Variants in WWOX observed in about 807,000 individuals in gnomAD.
WWOX encodes the protein WW domain-containing oxidoreductase.
Under a neutral mutation model 46.2 loss-of-function variants are expected in WWOX, and 69 were observed. That is an observed-to-expected ratio of 1.49 (90% CI 1.23 to 1.82). WWOX has a LOEUF of 1.82. Ranked by LOEUF, WWOX falls within the 40% of genes most tolerant of loss-of-function variation. The pLI is 0.00. For synonymous variants in WWOX, 359 were observed against 202.6 expected (o/e 1.77, Z -6.56); for missense variants, 919 against 542.6 (o/e 1.69, Z -6.89).
intron 8 of WWOX, among the ~76,000 whole-genome samples, chr16:78,691,725 TAAAGCAC>T (rs1338271118): frequency 6.6e-6 from 1 of 151,850 alleles, no homozygotes; most frequent in East Asian, 1.9e-4. Context: ...AAAAAAATAA[TAAAGCAC>T]TGTCTCTCTC....
chr16:78,806,431 G>C (rs1554977), intron 8 of WWOX, among the ~76,000 whole-genome samples: 119,979 of 152,140 alleles, frequency 0.79, 47,642 homozygotes, highest in Middle Eastern at 0.87. Context: ...GCAGGGCTCT[G>C]AGGAACAGCT....
chr16:78,658,046 T>G (rs1286830837), intron 8 of WWOX, among the ~76,000 whole-genome samples: 1 of 152,112 alleles, frequency 6.6e-6, no homozygotes, highest in Non-Finnish European at 1.5e-5. Flanking sequence ...AGGAGATTCT[T>G]TGTTGGGGGG....
Position 78,432,889 on chromosome 16 carries a change from C to G in WWOX, c.1056+137C>G, listed in dbSNP as rs376936542. The G allele has an allele frequency of 5.2e-6, 7 of 1,339,570 alleles. No individual in the cohort carries two copies. The African/African-American group carries it at 5.8e-5, about 11-fold the overall frequency. The allele number at this position is 1,339,570 out of a possible 1,614,324, so 83.0% of individuals were successfully genotyped here. A position where few individuals can be genotyped will look rare whatever the true frequency, so the allele number is the denominator to read the frequency against. On this transcript the variant is annotated intron_variant, in intron 8 of 8. Transcript: ENST00000566780. ...ATTGTCCAGCCCATCATAAAGGGCT[C>G]TTGAACACATTTTCATCAACTTTAG...
intron 8 of WWOX, among the ~76,000 whole-genome samples, chr16:78,495,090 C>T (rs1384654638): frequency 6.6e-6 from 1 of 150,508 alleles, no homozygotes; most frequent in Non-Finnish European, 1.5e-5. Flanking sequence ...ATTTAAGCTG[C>T]ATCTGTGTGC....
intron 8 of WWOX, among the ~76,000 whole-genome samples, chr16:78,916,356 C>G (rs751466402): frequency 6.6e-6 from 1 of 152,096 alleles, no homozygotes; most frequent in Non-Finnish European, 1.5e-5. Context: ...GAAGCTCGTT[C>G]GACAGCTGTA....
Position 78,775,700 on chromosome 16 carries a change from G to C in WWOX, c.1056+342948G>C, listed in dbSNP as rs1225099327. On this transcript the variant is annotated intron_variant, in intron 8 of 8. Transcript: ENST00000566780. The stretch of plus-strand genomic sequence containing the variant: ...ATGGTGCGAGCAATGGTTCACATAG[G>C]GGACAGGTGTTCATTCAATGGTGGG... 2.0e-5 allele frequency among the ~76,000 whole-genome samples: 3 copies of C among 152,274 alleles called. No individual in the cohort carries two copies. The East Asian group carries it at 5.8e-4, about 29-fold the overall frequency.
intron 5 of WWOX, among the ~76,000 whole-genome samples, chr16:78,292,647 A>G (rs971218484): frequency 6.6e-5 from 10 of 152,160 alleles, no homozygotes; most frequent in African/African-American, 2.4e-4. Context: ...GAAGAAAAAT[A>G]AAGCTCTTCC....
chr16:79,163,884 G>GAAGAAAA (rs1555537751), intron 8 of WWOX, among the ~76,000 whole-genome samples: 9 of 136,450 alleles, frequency 6.6e-5, no homozygotes, highest in Non-Finnish European at 1.4e-4. Flanking sequence ...AAGAGAATTG[G>GAAGAAAA]AAAAAAAAAA....
chr16:79,149,830 C>G (rs898988971), intron 8 of WWOX, among the ~76,000 whole-genome samples: 1 of 152,164 alleles, frequency 6.6e-6, no homozygotes, highest in Non-Finnish European at 1.5e-5. Context: ...TCCTCCTATA[C>G]CCCATCAGCC....
intron 8 of WWOX, among the ~76,000 whole-genome samples, chr16:78,956,902 G>A (rs751584725): frequency 2.4e-4 from 37 of 152,154 alleles, no homozygotes; most frequent in Non-Finnish European, 2.6e-4. Context: ...CTGGGAAATA[G>A]GATGTTTTGT....
chr16:79,090,273 CTG>C (rs777373628), intron 8 of WWOX, among the ~76,000 whole-genome samples: 1 of 119,028 alleles, frequency 8.4e-6, no homozygotes, highest in South Asian at 2.8e-4. Flanking sequence ...ACAGATTCTA[CTG>C]TGTGCGTGTG....
At chr16:78,919,518 T>C (rs369560949) in intron 8 of WWOX, among the ~76,000 whole-genome samples, 970 of 75,544 alleles carry the variant, frequency 0.013, 11 homozygotes, top group African/African-American at 0.038. Context: ...TTTATCTTTT[T>C]GTTTTGTTTT....
intron 5 of WWOX, among the ~76,000 whole-genome samples, chr16:78,251,069 C>T (rs1033490895): frequency 3.9e-5 from 6 of 152,160 alleles, no homozygotes; most frequent in African/African-American, 9.7e-5. Flanking sequence ...GGTATGCTTA[C>T]GTTACCGCTA....
chr16:78,852,483 G>C (rs775965979), intron 8 of WWOX, among the ~76,000 whole-genome samples: 1 of 152,270 alleles, frequency 6.6e-6, no homozygotes, highest in South Asian at 2.1e-4. Flanking sequence ...CAGATTGCCA[G>C]CCAACATGAG....
At chr16:78,793,943 G>T (rs2050673614) in intron 8 of WWOX, among the ~76,000 whole-genome samples, 1 of 152,112 alleles carries the variant, frequency 6.6e-6, no homozygotes, top group African/African-American at 2.4e-5. Context: ...TATAGAAGAG[G>T]ATGTAGGGCA....
chr16:78,218,855 T>C (rs779836293), intron 5 of WWOX, among the ~76,000 whole-genome samples: 3 of 152,240 alleles, frequency 2.0e-5, no homozygotes, highest in Admixed American at 2.0e-4. Context: ...AGTCTAATTG[T>C]TTTTAAACTG....
chr16:79,121,073 G>A lies in WWOX; in HGVS notation c.1057-90535G>A, dbSNP rs1403338459. ...CGTGAGTCACCATGCCTGGCTATCT[G>A]CGTTTCTTCTGTAAGGATACTTGTC... On this transcript the variant is annotated intron_variant, in intron 8 of 8. Transcript: ENST00000566780. Among the ~76,000 whole-genome samples the A allele has an allele frequency of 2.0e-5, 3 of 152,286 alleles. No individual in the cohort carries two copies. The East Asian group carries it at 5.8e-4, about 29-fold the overall frequency.
At chr16:78,625,484 G>A (rs188882447) in intron 8 of WWOX, among the ~76,000 whole-genome samples, 1 of 152,126 alleles carries the variant, frequency 6.6e-6, no homozygotes, top group Non-Finnish European at 1.5e-5. Context: ...GACTTCGTTA[G>A]AACATCTTTA....
chr16:78,902,607 T>C (rs1325694200), intron 8 of WWOX, among the ~76,000 whole-genome samples: 2 of 152,222 alleles, frequency 1.3e-5, no homozygotes, highest in East Asian at 3.9e-4. Context: ...CCCAGTTTTC[T>C]CTTCTGCTCT....
Sources: gnomAD v4.1 joint callset for allele counts (sites outside exome capture counted in the v4.1 genomes callset) on GRCh38, gnomAD v4.1.1 for gene constraint, MANE v1.5 for transcripts, NCBI Gene and HGNC (gene_info 2026-07-23, HGNC 2026-07-21) for gene names.